The following TENM4 variants were observed in gnomAD, a reference collection of about 807,000 sequenced individuals.
TENM4 encodes teneurin transmembrane protein 4, also known as teneurin-4.
In TENM4, 82 loss-of-function variants were observed where a neutral mutation model predicts 243.3. The ratio of observed to expected loss-of-function variants is 0.34; its 90% CI spans 0.28 to 0.40. The LOEUF is 0.40. TENM4 is among the 10% of genes least tolerant of loss of function. TENM4 has a pLI of 1.00. For missense variants in TENM4, 3,138 were observed against 3,673.3 expected (o/e 0.85, Z 3.77); for synonymous variants, 1,412 against 1,456.3 (o/e 0.97, Z 0.69).
chr11:79,259,709 A>G (rs988074135), intron 2 of TENM4, among the ~76,000 whole-genome samples: 17 of 147,776 alleles, frequency 1.2e-4, no homozygotes, highest in African/African-American at 4.0e-4. Flanking sequence ...ATCCATGCAC[A>G]CCCATCCATC....
chr11:78,694,823 C>T (rs535611171), intron 28 of TENM4, among the ~76,000 whole-genome samples: 1 of 152,298 alleles, frequency 6.6e-6, no homozygotes, highest in East Asian at 1.9e-4. Context: ...CCTCACTCCT[C>T]ACTCCTTCTT....
At chr11:79,224,622 C>T (rs533191670) in intron 2 of TENM4, among the ~76,000 whole-genome samples, 1 of 152,106 alleles carries the variant, frequency 6.6e-6, no homozygotes, top group African/African-American at 2.4e-5. Flanking sequence ...GTCATTAGGG[C>T]AGGCCCTAAT....
At chr11:78,776,995 C>A (rs941176822) in intron 17 of TENM4, among the ~76,000 whole-genome samples, 1 of 151,872 alleles carries the variant, frequency 6.6e-6, no homozygotes, top group Non-Finnish European at 1.5e-5. Context: ...CCATTCAACT[C>A]CCTCAACTTC....
chr11:79,222,708 G>C (rs1864185959), intron 2 of TENM4, among the ~76,000 whole-genome samples: 1 of 152,336 alleles, frequency 6.6e-6, no homozygotes, highest in Middle Eastern at 3.4e-3. Flanking sequence ...TGACTGGTGT[G>C]AGATGGTATC....
At chr11:79,113,053 A>G (rs1391065962) in intron 4 of TENM4, among the ~76,000 whole-genome samples, 2 of 152,158 alleles carry the variant, frequency 1.3e-5, no homozygotes, top group African/African-American at 4.8e-5. Context: ...AAAGTGAAGG[A>G]CCCTCTCAGA....
At chr11:79,358,950 A>AT (rs202209074) in intron 1 of TENM4, among the ~76,000 whole-genome samples, 9,224 of 144,210 alleles carry the variant, frequency 0.064, 745 homozygotes, top group African/African-American at 0.19. Context: ...GTAAAAAGGC[A>AT]TTTTTTTTTT....
intron 2 of TENM4, among the ~76,000 whole-genome samples, chr11:79,243,317 G>A (rs1590820698): frequency 1.3e-5 from 2 of 152,178 alleles, no homozygotes; most frequent in South Asian, 2.1e-4. Flanking sequence ...GGGCTGTCTT[G>A]TCGTTGTACT....
intron 2 of TENM4, among the ~76,000 whole-genome samples, chr11:79,279,770 A>G (rs1856122840): frequency 6.6e-6 from 1 of 151,966 alleles, no homozygotes; most frequent in African/African-American, 2.4e-5. Flanking sequence ...GCTCTTTTTC[A>G]CCCTTTCAGA....
chr11:79,068,550 T>C (rs1742825566), intron 5 of TENM4: 1 of 152,464 alleles, frequency 6.6e-6, no homozygotes, highest in African/African-American at 2.4e-5. Flanking sequence ...GGCAAATGAT[T>C]CACCCTGGGG....
At chr11:78,942,071 A>T (rs531358856) in intron 6 of TENM4, among the ~76,000 whole-genome samples, 2 of 150,202 alleles carry the variant, frequency 1.3e-5, no homozygotes, top group Non-Finnish European at 3.0e-5. Context: ...CTTGGGCCAC[A>T]CATAAAATAC....
At chr11:79,307,229 A>G (rs1447587371) in intron 1 of TENM4, among the ~76,000 whole-genome samples, 1 of 152,152 alleles carries the variant, frequency 6.6e-6, no homozygotes, top group African/African-American at 2.4e-5. Flanking sequence ...GGCAGCGGGA[A>G]CTAGAAGCAC....
At chr11:78,711,615 C>G (rs1416270551) in intron 26 of TENM4, among the ~76,000 whole-genome samples, 1 of 152,134 alleles carries the variant, frequency 6.6e-6, no homozygotes, top group Non-Finnish European at 1.5e-5. Flanking sequence ...GAGGTAGACA[C>G]GGATGGCATT....
intron 1 of TENM4, among the ~76,000 whole-genome samples, chr11:79,352,677 G>A (rs946227507): frequency 6.6e-6 from 1 of 152,158 alleles, no homozygotes; most frequent in Non-Finnish European, 1.5e-5. Context: ...TCTCTTTGCC[G>A]GCCAGCTGTG....
At chr11:78,856,275 C>T (rs1346728783) in intron 10 of TENM4, 97 bp from the exon 11 acceptor site, 5 of 1,035,546 alleles carry the variant, frequency 4.8e-6, no homozygotes, top group Non-Finnish European at 7.1e-6. Flanking sequence ...TCTCCTTAGC[C>T]TCACATCCTT....
intron 9 of TENM4, among the ~76,000 whole-genome samples, chr11:78,866,899 T>A (rs1272838843): frequency 6.6e-6 from 1 of 152,180 alleles, no homozygotes. Flanking sequence ...AGGAGTAGGA[T>A]GAAGCAGAGA....
rs1857937710 is a variant in TENM4, at chr11:78,658,062, C to T, written c.8306G>A (p.Arg2769Lys). Residue 2769 changes from arginine (R) to lysine (K), a missense_variant, in exon 34 of 34, where the codon AGG (arginine) becomes AAG (lysine). Transcript: ENST00000278550. The stretch of plus-strand genomic sequence containing the variant: ...AGAAGTCCTTGGTCCTCTCTGTCAC[C>T]TCCGGCCCATCTCGCTCTGTCTCAT... ...HFMRQSEMGRR is the reference protein window; with the variant it reads ...HFMRQSEMGRK 6.2e-7 allele frequency: 1 copy of T among 1,611,954 alleles called. No individual in the cohort carries two copies.
intron 16 of TENM4, among the ~76,000 whole-genome samples, chr11:78,782,324 G>T (rs934510447): frequency 6.6e-6 from 1 of 152,156 alleles, no homozygotes; most frequent in Non-Finnish European, 1.5e-5. Context: ...TAGGCCAGGC[G>T]TGGTGGCTTA....
At chr11:79,320,318 T>C (rs2135426999) in intron 1 of TENM4, among the ~76,000 whole-genome samples, 1 of 152,224 alleles carries the variant, frequency 6.6e-6, no homozygotes, top group East Asian at 1.9e-4. Flanking sequence ...GCAAACTATC[T>C]AAATTGTGGG....
chr11:79,375,381 A>C (rs1045398074), intron 1 of TENM4, among the ~76,000 whole-genome samples: 1 of 152,252 alleles, frequency 6.6e-6, no homozygotes, highest in South Asian at 2.1e-4. Flanking sequence ...ATTTTGATAG[A>C]TTTTCAAGTG....
Sources: allele counts gnomAD v4.1 joint callset (sites outside exome capture counted in the v4.1 genomes callset), GRCh38; gene constraint gnomAD v4.1.1; transcripts MANE v1.5; gene names NCBI Gene and HGNC (gene_info 2026-07-23, HGNC 2026-07-21).